Variants in WWC2 observed in about 807,000 individuals in gnomAD.
WWC2 encodes protein WWC2.
Under a neutral mutation model 138.5 loss-of-function variants are expected in WWC2, and 101 were observed. The ratio of observed to expected loss-of-function variants is 0.73; its 90% CI spans 0.62 to 0.86. The LOEUF is 0.86. Among genes scored for constraint, WWC2 ranks in the 40% least tolerant of loss-of-function variants. The probability of loss-of-function intolerance (pLI) is 0.00; values close to 1 mark genes in which losing one functional copy is unlikely to be tolerated. For synonymous variants in WWC2, 558 were observed against 538.4 expected (o/e 1.04, Z -0.50); for missense variants, 1,420 against 1,419.4 (o/e 1.00, Z -0.01).
chr4:183,203,871 C>T (rs1016310267), intron 2 of WWC2, among the ~76,000 whole-genome samples: 7 of 152,136 alleles, frequency 4.6e-5, no homozygotes, highest in African/African-American at 1.7e-4. Flanking sequence ...CTTGCCCATA[C>T]ACACAGTGTT....
intron 21 of WWC2, among the ~76,000 whole-genome samples, chr4:183,292,048 T>G (rs62356746): frequency 8.0e-6 from 1 of 124,466 alleles, no homozygotes; most frequent in East Asian, 2.3e-4. Context: ...AAAAAAAAAT[T>G]CACTAGGCAT....
intron 2 of WWC2, among the ~76,000 whole-genome samples, chr4:183,206,454 C>G (rs192890339): frequency 2.6e-5 from 4 of 152,214 alleles, no homozygotes; most frequent in Admixed American, 1.3e-4. Context: ...AGTCACAATA[C>G]CATAGTTTTT....
At chr4:183,234,311 A>G (rs1478323111) in intron 4 of WWC2, among the ~76,000 whole-genome samples, 5 of 152,262 alleles carry the variant, frequency 3.3e-5, no homozygotes, top group Non-Finnish European at 2.9e-5. Context: ...CTTGCTTCCA[A>G]TTTAGCACTC....
intron 1 of WWC2, among the ~76,000 whole-genome samples, chr4:183,154,623 T>G (rs947552788): frequency 1.3e-5 from 2 of 152,196 alleles, no homozygotes; most frequent in African/African-American, 4.8e-5. Flanking sequence ...TGGCAACATT[T>G]CACAAATTTG....
chr4:183,148,412 GTCC>G (rs1185831555), intron 1 of WWC2, among the ~76,000 whole-genome samples: 9 of 152,030 alleles, frequency 5.9e-5, no homozygotes, highest in Non-Finnish European at 1.2e-4. Flanking sequence ...CTGCTTGTAT[GTCC>G]TCCTCCCCAT....
At chr4:183,135,286 T>C (rs1733074118) in intron 1 of WWC2, among the ~76,000 whole-genome samples, 1 of 151,910 alleles carries the variant, frequency 6.6e-6, no homozygotes, top group Admixed American at 6.5e-5. Flanking sequence ...TCATATATGT[T>C]TCTACTGTGT....
intron 1 of WWC2, among the ~76,000 whole-genome samples, chr4:183,164,320 C>T (rs13105582): frequency 0.089 from 42 of 472 alleles, 8 homozygotes; most frequent in South Asian, 0.19. Flanking sequence ...ATTATATATA[C>T]ATATATATAT....
chr4:183,168,917 C>T lies in WWC2; in HGVS notation c.132-24682C>T, dbSNP rs375673670. Among the ~76,000 whole-genome samples, 129 of 152,160 alleles carry T rather than the reference C, an allele frequency of 8.5e-4. 1 individual carries two copies. The Middle Eastern group carries it at 0.01, about 12-fold the overall frequency. On this transcript the variant is annotated intron_variant, in intron 1 of 22. Transcript: ENST00000403733. Reference sequence around the variant, plus strand: ...AGGCTGGAGTGCAATGGCACGATCTCGGCTCGCCACAACCTCTGCCTCCCG... The same window carrying T: ...AGGCTGGAGTGCAATGGCACGATCTTGGCTCGCCACAACCTCTGCCTCCCG...
Position 183,294,817 on chromosome 4 carries a change from T to G in WWC2, c.3384+5182T>G, listed in dbSNP as rs145150926. On this transcript the variant is annotated intron_variant, in intron 21 of 22. Transcript: ENST00000403733. ...CTGCTAAGATTTTTACTGTTGTTGA[T>G]GAATGGTTCAAGGTTTGGGGGCTGA... is the stretch of plus-strand genomic sequence containing the variant. 1.6e-3 allele frequency among the ~76,000 whole-genome samples: 242 copies of G among 152,306 alleles called. 2 individuals carry two copies. The highest frequency in any genetic ancestry group is 5.6e-3 in the African/African-American group (231 of 41,574).
At chr4:183,175,920 G>C (rs1734455128) in intron 1 of WWC2, among the ~76,000 whole-genome samples, 1 of 152,222 alleles carries the variant, frequency 6.6e-6, no homozygotes, top group Non-Finnish European at 1.5e-5. Flanking sequence ...CTGTGATGAA[G>C]AACTATATTT....
intron 1 of WWC2, among the ~76,000 whole-genome samples, chr4:183,188,639 CTTTCT>C (rs1485208039): frequency 7.8e-6 from 1 of 128,930 alleles, no homozygotes; most frequent in Non-Finnish European, 1.6e-5. Flanking sequence ...TCTCTTGCTC[CTTTCT>C]TTTTTTTTTT....
At chr4:183,118,046 C>T (rs1732476390) in intron 1 of WWC2, among the ~76,000 whole-genome samples, 1 of 152,156 alleles carries the variant, frequency 6.6e-6, no homozygotes, top group African/African-American at 2.4e-5. Flanking sequence ...GATCCACCCA[C>T]CTTGGCCTCC....
chr4:183,260,134 ACTT>A (rs1737278090), intron 10 of WWC2, among the ~76,000 whole-genome samples: 1 of 152,106 alleles, frequency 6.6e-6, no homozygotes, highest in African/African-American at 2.4e-5. Context: ...CTTTTGTGTG[ACTT>A]CTTTCTTTTT....
chr4:183,320,658 T>C lies in WWC2; in HGVS notation c.*4929T>C, dbSNP rs189180756. The C allele has an allele frequency of 5.7e-4, 110 of 192,474 alleles. No individual in the cohort carries two copies. Among genetic ancestry groups the C allele is most frequent in the African/African-American group, 2.4e-3 (101 of 42,066 alleles). The allele number at this position is 192,474 out of a possible 1,614,324, so 11.9% of individuals were successfully genotyped here. ...GTTTCACTAACTGCACCTGTCAGAT[T>C]TTCATCTCTTATAGTTCTCACATTT... On this transcript the variant is annotated 3_prime_UTR_variant, in exon 23 of 23. Coordinates refer to ENST00000403733, the MANE Select transcript of WWC2 (RefSeq NM_024949.6).
chr4:183,253,129 C>T (rs1260196464), intron 8 of WWC2, among the ~76,000 whole-genome samples: 1 of 152,144 alleles, frequency 6.6e-6, no homozygotes, highest in Admixed American at 6.5e-5. Flanking sequence ...GATCGTGCTG[C>T]TTGTCCTCCC....
intron 20 of WWC2, among the ~76,000 whole-genome samples, chr4:183,288,684 A>G (rs1738333033): frequency 6.6e-6 from 1 of 152,156 alleles, no homozygotes; most frequent in Non-Finnish European, 1.5e-5. Flanking sequence ...ATTTATTCAT[A>G]TATGTTCAAT....
At chr4:183,124,373 T>C (rs1183899265) in intron 1 of WWC2, among the ~76,000 whole-genome samples, 1 of 151,942 alleles carries the variant, frequency 6.6e-6, no homozygotes, top group Non-Finnish European at 1.5e-5. Flanking sequence ...CTTTTTTTTT[T>C]CCTTTCTCTA....
In WWC2 at chr4:183,320,375, G is replaced by T; in HGVS notation, c.*4646G>T. The T allele has an allele frequency of 1.4e-6, 1 of 714,844 alleles. No individual in the cohort carries two copies. The highest frequency in any genetic ancestry group is 2.3e-6 in the Non-Finnish European group (1 of 431,866). The allele number at this position is 714,844 out of a possible 1,614,324, so 44.3% of individuals were successfully genotyped here. On this transcript the variant is annotated 3_prime_UTR_variant, in exon 23 of 23. Coordinates refer to ENST00000403733, the MANE Select transcript of WWC2 (RefSeq NM_024949.6). ...CAGAGTTGCTATTGTTTGATTCCAT[G>T]TTGAATGGGTTTCACAAAAGGATAG...
chr4:183,283,028 C>A (rs1239035632), intron 18 of WWC2, 122 bp downstream of exon 18: 2 of 1,001,344 alleles, frequency 2.0e-6, no homozygotes, highest in Non-Finnish European at 2.8e-6. Context: ...AAAAGCTGAT[C>A]GTGAAAGGCA....
Sources: allele counts gnomAD v4.1 joint callset (sites outside exome capture counted in the v4.1 genomes callset), GRCh38; gene constraint gnomAD v4.1.1; transcripts MANE v1.5; gene names NCBI Gene and HGNC (gene_info 2026-07-23, HGNC 2026-07-21).